TRPM3: variants seen among roughly 807,000 people sequenced by gnomAD.
TRPM3 encodes the protein long transient receptor potential channel 3.
TRPM3 carries 77 observed loss-of-function variants against 181.2 expected under a neutral mutation model. That is an observed-to-expected ratio of 0.42 (90% confidence interval 0.35 to 0.51). TRPM3 has a LOEUF of 0.51. Ranked by LOEUF, TRPM3 falls within the 20% of genes least tolerant of loss-of-function variation. The pLI is 0.01. For missense variants in TRPM3, 1,759 were observed against 2,196.7 expected, an observed-to-expected ratio of 0.80 and a Z score of 3.98; for synonymous variants, 745 against 796.4, an observed-to-expected ratio of 0.94 and a Z score of 1.09.
intron 1 of TRPM3, among the ~76,000 whole-genome samples, chr9:71,368,052 A>G (rs1353261872): frequency 6.6e-6 from 1 of 152,186 alleles, no homozygotes; most frequent in Non-Finnish European, 1.5e-5. Flanking sequence ...ACACACACAC[A>G]CATGAGGTTC....
At chr9:70,947,018 C>G (rs2096941009) in intron 1 of TRPM3, among the ~76,000 whole-genome samples, 2 of 152,258 alleles carry the variant, frequency 1.3e-5, no homozygotes, top group African/African-American at 4.8e-5. Context: ...AATAGTGCTG[C>G]TATAAACATT....
intron 1 of TRPM3, among the ~76,000 whole-genome samples, chr9:71,321,804 T>C (rs998778031): frequency 6.6e-6 from 1 of 152,108 alleles, no homozygotes; most frequent in African/African-American, 2.4e-5. Context: ...AATTAGTCCA[T>C]GTACATTAAT....
chr9:70,923,715 G>A (rs1447261007), intron 1 of TRPM3, among the ~76,000 whole-genome samples: 1 of 151,230 alleles, frequency 6.6e-6, no homozygotes, highest in Non-Finnish European at 1.5e-5. Flanking sequence ...TACTCTGAAA[G>A]CTGTCCATTT....
At chr9:70,654,752 G>C (rs897322351) in intron 9 of TRPM3, among the ~76,000 whole-genome samples, 10 of 148,198 alleles carry the variant, frequency 6.7e-5, no homozygotes, top group Admixed American at 2.0e-4. Context: ...GCGCGATCTT[G>C]GCTCACTGCA....
At chr9:70,806,430 C>T (rs2090696212) in intron 6 of TRPM3, among the ~76,000 whole-genome samples, 1 of 152,164 alleles carries the variant, frequency 6.6e-6, no homozygotes, top group South Asian at 2.1e-4. Flanking sequence ...CGGTGGCTCA[C>T]GCCTGTAATC....
intron 1 of TRPM3, among the ~76,000 whole-genome samples, chr9:71,246,437 T>C (rs4745077): frequency 0.7 from 106,787 of 151,980 alleles, 37,759 homozygotes; most frequent in African/African-American, 0.78. Context: ...ATTTAAGGTG[T>C]GTCCCCTTCA....
chr9:70,817,120 C>T (rs1295786936), intron 6 of TRPM3, among the ~76,000 whole-genome samples: 1 of 152,214 alleles, frequency 6.6e-6, no homozygotes, highest in Non-Finnish European at 1.5e-5. Flanking sequence ...GTCTTCCTTT[C>T]CTTCATACTG....
intron 8 of TRPM3, among the ~76,000 whole-genome samples, chr9:70,693,967 A>G (rs1224161847): frequency 1.3e-5 from 2 of 152,194 alleles, no homozygotes; most frequent in African/African-American, 4.8e-5. Flanking sequence ...CCAACATCCT[A>G]ATGGCAGGGT....
intron 1 of TRPM3, among the ~76,000 whole-genome samples, chr9:71,186,600 G>A (rs981450714): frequency 4.6e-5 from 7 of 152,084 alleles, no homozygotes; most frequent in African/African-American, 1.7e-4. Flanking sequence ...ATAAATCATG[G>A]CAATATGTGG....
At chr9:70,763,913 C>T (rs1250533123) in intron 7 of TRPM3, among the ~76,000 whole-genome samples, 2 of 152,110 alleles carry the variant, frequency 1.3e-5, no homozygotes, top group East Asian at 1.9e-4. Context: ...GAATGAGCAT[C>T]GGCATAGTTG....
At chr9:71,085,093 C>T (rs2065047249) in intron 1 of TRPM3, among the ~76,000 whole-genome samples, 2 of 152,152 alleles carry the variant, frequency 1.3e-5, no homozygotes, top group Middle Eastern at 3.4e-3. Context: ...TAGAATGAAA[C>T]TGAACCCCTA....
At chr9:71,070,660 A>G (rs1158929046) in intron 1 of TRPM3, among the ~76,000 whole-genome samples, 1 of 152,150 alleles carries the variant, frequency 6.6e-6, no homozygotes, top group Non-Finnish European at 1.5e-5. Context: ...AAAAATGATG[A>G]GGTTTGGAGA....
chr9:70,692,021 GAAC>G lies in TRPM3; in HGVS notation c.1273-10446_1273-10444del, dbSNP rs552741697. On this transcript the variant is annotated intron_variant, in intron 8 of 25. Transcript: ENST00000677713. ...TAAAAGTCTAAAACAAAACAAAACA[GAAC>G]AACAAAAACAAAATAAGGTGGGTTG... Among the ~76,000 whole-genome samples, 360 of 152,218 alleles carry G rather than the reference GAAC, an allele frequency of 2.4e-3. 2 individuals carry two copies. The highest frequency in any genetic ancestry group is 8.0e-3 in the African/African-American group (332 of 41,544).
chr9:71,025,233 C>T (rs28477145), intron 1 of TRPM3, among the ~76,000 whole-genome samples: 49,871 of 152,008 alleles, frequency 0.33, 10,580 homozygotes, highest in African/African-American at 0.61. Flanking sequence ...TTTGCAATTC[C>T]CTTTACTAAT....
intron 1 of TRPM3, among the ~76,000 whole-genome samples, chr9:71,043,059 G>A (rs549441514): frequency 9.5e-4 from 145 of 152,316 alleles, no homozygotes; most frequent in African/African-American, 3.3e-3. Context: ...CCAAGTCCTT[G>A]CAGATTTATG....
intron 1 of TRPM3, among the ~76,000 whole-genome samples, chr9:71,287,008 A>T (rs370266439): frequency 1.8e-4 from 21 of 113,534 alleles, no homozygotes; most frequent in Non-Finnish European, 3.8e-4. Flanking sequence ...ATAATATACA[A>T]CATATAATAT....
chr9:70,976,129 G>A (rs1286264379), intron 1 of TRPM3, among the ~76,000 whole-genome samples: 1 of 152,138 alleles, frequency 6.6e-6, no homozygotes, highest in African/African-American at 2.4e-5. Context: ...ATTATCCATG[G>A]TGAGATTCCC....
chr9:71,369,423 AC>A (rs1453274099), intron 1 of TRPM3, among the ~76,000 whole-genome samples: 2 of 152,230 alleles, frequency 1.3e-5, no homozygotes, highest in African/African-American at 4.8e-5. Flanking sequence ...GAGATACTGA[AC>A]AAAAATAGTG....
chr9:71,162,199 C>CAAAAAAAAAAAAAAAAAAAA (rs35947110), intron 1 of TRPM3, among the ~76,000 whole-genome samples: 4 of 74,424 alleles, frequency 5.4e-5, no homozygotes, highest in African/African-American at 1.1e-4. Context: ...GACTCTGTCT[C>CAAAAAAAAAAAAAAAAAAAA]AAAAAAAAAA....
Sources: allele counts gnomAD v4.1 joint callset (sites outside exome capture counted in the v4.1 genomes callset), GRCh38; gene constraint gnomAD v4.1.1; transcripts MANE v1.5; gene names NCBI Gene and HGNC (gene_info 2026-07-23, HGNC 2026-07-21).